Variants in NRG3 observed in about 807,000 individuals in gnomAD.
NRG3 encodes neuregulin 3, also known as pro-neuregulin-3, membrane-bound isoform.
Under a neutral mutation model 66.9 loss-of-function variants are expected in NRG3, and 31 were observed. That is an observed-to-expected ratio of 0.46 (90% CI 0.35 to 0.63). NRG3 has a LOEUF of 0.63. Ranked by LOEUF, NRG3 falls within the 20% of genes least tolerant of loss-of-function variation. The pLI is 0.00. For missense variants in NRG3, 910 were observed against 878.9 expected, an observed-to-expected ratio of 1.04 and a Z score of -0.45; for synonymous variants, 393 against 359.4, an observed-to-expected ratio of 1.09 and a Z score of -1.06.
chr10:82,248,512 G>C (rs996372347), intron 1 of NRG3, among the ~76,000 whole-genome samples: 1 of 152,152 alleles, frequency 6.6e-6, no homozygotes, highest in South Asian at 2.1e-4. Context: ...TCCATGCTGG[G>C]TGACCATCTG....
chr10:82,782,433 A>G (rs1421204811), intron 3 of NRG3, among the ~76,000 whole-genome samples: 3 of 152,042 alleles, frequency 2.0e-5, no homozygotes, highest in African/African-American at 7.3e-5. Context: ...GAACTGTAAG[A>G]AATATTTGTT....
rs138449903 is a variant in NRG3 at position 82,372,577 on chromosome 10, T to C, written c.953+13709T>C. 6.8e-4 allele frequency among the ~76,000 whole-genome samples: 103 copies of C among 152,342 alleles called. 1 individual carries two copies. The highest frequency in any genetic ancestry group is 3.4e-3 in the Middle Eastern group (1 of 294). On this transcript the variant is annotated intron_variant, in intron 2 of 8. Transcript: ENST00000372141. ...TTTTATTGTTCCAATCAAAAATTAA[T>C]TGTATTAACATTTTATTATTCATGT...
At position 82,760,454 on chromosome 10, in the gene NRG3, G is replaced by A. The variant is rs545637144; in HGVS notation, c.1027+21804G>A. Among the ~76,000 whole-genome samples, 4 of 152,210 alleles carry A rather than the reference G, an allele frequency of 2.6e-5. No homozygotes were observed. The East Asian group carries it at 7.7e-4, about 29-fold the overall frequency. On this transcript the variant is annotated intron_variant, in intron 3 of 8. Transcript: ENST00000372141. The stretch of plus-strand genomic sequence containing the variant: ...TGTGAATTAAAAGCAGATAAATATA[G>A]CATACCAAATACCAAGGAAGAGAAA...
intron 2 of NRG3, among the ~76,000 whole-genome samples, chr10:82,698,544 A>C (rs1428859456): frequency 6.6e-6 from 1 of 152,212 alleles, no homozygotes; most frequent in African/African-American, 2.4e-5. Flanking sequence ...CGTAAGCCCT[A>C]TTAAATAAAT....
At chr10:82,273,327 A>G (rs1340314447) in intron 1 of NRG3, among the ~76,000 whole-genome samples, 1 of 151,986 alleles carries the variant, frequency 6.6e-6, no homozygotes, top group Non-Finnish European at 1.5e-5. Context: ...CAACTGTGTC[A>G]GTTCTGTGTA....
intron 1 of NRG3, among the ~76,000 whole-genome samples, chr10:82,006,211 A>G (rs571959270): frequency 1.3e-5 from 2 of 152,232 alleles, no homozygotes; most frequent in South Asian, 4.1e-4. Flanking sequence ...TGAGATTATT[A>G]GTGAGACAAA....
intron 2 of NRG3, among the ~76,000 whole-genome samples, chr10:82,396,693 A>G (rs141937431): frequency 1.4e-4 from 21 of 152,314 alleles, no homozygotes; most frequent in African/African-American, 4.6e-4. Flanking sequence ...ACTTGCAATT[A>G]AGGTAATGGA....
chr10:82,108,905 G>C (rs2067218272), intron 1 of NRG3, among the ~76,000 whole-genome samples: 1 of 152,112 alleles, frequency 6.6e-6, no homozygotes, highest in South Asian at 2.1e-4. Flanking sequence ...CTTATCCCCA[G>C]TTAATTCCTG....
At chr10:82,378,291 C>T (rs2085388487) in intron 2 of NRG3, among the ~76,000 whole-genome samples, 1 of 152,140 alleles carries the variant, frequency 6.6e-6, no homozygotes, top group Non-Finnish European at 1.5e-5. Context: ...CTGTGGGAGA[C>T]AGGAACTGTT....
intron 2 of NRG3, among the ~76,000 whole-genome samples, chr10:82,410,633 G>A (rs1178134473): frequency 6.6e-6 from 1 of 151,788 alleles, no homozygotes; most frequent in Admixed American, 6.6e-5. Flanking sequence ...ACAACCTTCT[G>A]AATATTGTAC....
intron 5 of NRG3, among the ~76,000 whole-genome samples, chr10:82,955,943 G>A (rs1409993799): frequency 6.6e-6 from 1 of 151,836 alleles, no homozygotes; most frequent in Non-Finnish European, 1.5e-5. Context: ...GACCATGCCA[G>A]CTTCAGAGCT....
At chr10:81,982,467 C>A (rs1417282859) in intron 1 of NRG3, among the ~76,000 whole-genome samples, 1 of 152,180 alleles carries the variant, frequency 6.6e-6, no homozygotes, top group African/African-American at 2.4e-5. Context: ...GTGTTCAGTT[C>A]TTTAGCATCC....
rs150461644 is a variant in NRG3, at chr10:82,085,699, C to A, written c.823+209536C>A. 1.1e-3 allele frequency among the ~76,000 whole-genome samples: 167 copies of A among 151,946 alleles called. No homozygotes were observed. In the Middle Eastern group the frequency reaches 0.014, roughly 12 times the overall value. Reference sequence around the variant, plus strand: ...TTGCCCAGGCTGGAGTGCAATGGTGCAGTCTTGGCTCACTGCAACCTTCGC... The same window carrying A: ...TTGCCCAGGCTGGAGTGCAATGGTGAAGTCTTGGCTCACTGCAACCTTCGC... On this transcript the variant is annotated intron_variant, in intron 1 of 8. Transcript: ENST00000372141.
chr10:82,016,579 C>G (rs934558725), intron 1 of NRG3, among the ~76,000 whole-genome samples: 2 of 151,910 alleles, frequency 1.3e-5, no homozygotes, highest in African/African-American at 4.8e-5. Flanking sequence ...TCGTTAAGTG[C>G]AAAAGTCACA....
At chr10:82,768,390 C>T (rs979097750) in intron 3 of NRG3, among the ~76,000 whole-genome samples, 8 of 152,046 alleles carry the variant, frequency 5.3e-5, no homozygotes, top group African/African-American at 1.7e-4. Flanking sequence ...CTTTTTATAC[C>T]CTGATGGTTC....
chr10:82,273,670 G>A (rs190195055), intron 1 of NRG3, among the ~76,000 whole-genome samples: 167 of 151,840 alleles, frequency 1.1e-3, no homozygotes, highest in African/African-American at 3.5e-3. Flanking sequence ...TTTCTTTTAC[G>A]AAAATACTGT....
chr10:82,179,680 G>A (rs1374504673), intron 1 of NRG3, among the ~76,000 whole-genome samples: 2 of 151,804 alleles, frequency 1.3e-5, no homozygotes, highest in African/African-American at 2.4e-5. Context: ...AGAGTATGAG[G>A]ACTCTGACAT....
chr10:82,358,852 T>A lies in NRG3; in HGVS notation c.937T>A (p.Ser313Thr). Residue 313 changes from serine (S) to threonine (T), a missense_variant, in exon 2 of 9, where the codon TCC becomes ACC. Coordinates refer to ENST00000372141, the MANE Select transcript of NRG3 (RefSeq NM_001010848.4). Reference sequence around the variant, plus strand: ...CTTTGTGATCGAAACCCTGACCGGATCCCATAAACACTGTCGGTAAGCCAC... The same window carrying A: ...CTTTGTGATCGAAACCCTGACCGGAACCCATAAACACTGTCGGTAAGCCAC... Reference protein sequence around the residue: ...ECFVIETLTGSHKHCRCKEGY... With the variant: ...ECFVIETLTGTHKHCRCKEGY... 6.2e-7 allele frequency: 1 copy of A among 1,614,124 alleles called. No individual in the cohort carries two copies. Among genetic ancestry groups the A allele is most frequent in the African/African-American group, 1.3e-5 (1 of 75,030 alleles).
At chr10:82,491,276 CT>C (rs1375486328) in intron 2 of NRG3, among the ~76,000 whole-genome samples, 57 of 50,520 alleles carry the variant, frequency 1.1e-3, no homozygotes, top group African/African-American at 2.4e-3. Flanking sequence ...CTGATTCTGC[CT>C]ATGCTGTTCC....
Sources: allele counts gnomAD v4.1 joint callset (sites outside exome capture counted in the v4.1 genomes callset), GRCh38; gene constraint gnomAD v4.1.1; transcripts MANE v1.5; gene names NCBI Gene and HGNC (gene_info 2026-07-23, HGNC 2026-07-21).